The following TNFSF4 variants were observed in gnomAD, a reference collection of about 807,000 sequenced individuals.
TNFSF4 encodes the protein tumor necrosis factor ligand superfamily member 4.
In TNFSF4, 4 loss-of-function variants were observed where a neutral mutation model predicts 7.3. The ratio of observed to expected loss-of-function variants is 0.55; its 90% confidence interval spans 0.27 to 1.25. TNFSF4 has a LOEUF of 1.25. TNFSF4 is among the 50% of genes most tolerant of loss of function. The probability of loss-of-function intolerance (pLI) is 0.12; values close to 1 mark genes in which losing one functional copy is unlikely to be tolerated. For synonymous variants in TNFSF4, 76 were observed against 83.7 expected, an observed-to-expected ratio of 0.91 and a Z score of 0.50; for missense variants, 181 against 208.8, an observed-to-expected ratio of 0.87 and a Z score of 0.82.
the TNFSF4 span, among the ~76,000 whole-genome samples, chr1:173,379,650 T>C: frequency 2.8e-4 from 42 of 152,166 alleles, no homozygotes; most frequent in East Asian, 6.4e-3. Flanking sequence ...TGTTCTGTAA[T>C]AGGGACCAAG....
At chr1:173,220,242 A>T in the TNFSF4 span, among the ~76,000 whole-genome samples, 2 of 152,146 alleles carry the variant, frequency 1.3e-5, no homozygotes, top group Non-Finnish European at 2.9e-5. Context: ...ACTGAATTGG[A>T]TCTCAGGGCT....
chr1:173,369,054 C>G, the TNFSF4 span, among the ~76,000 whole-genome samples: 1 of 152,146 alleles, frequency 6.6e-6, no homozygotes, highest in Non-Finnish European at 1.5e-5. Flanking sequence ...CTCAGACTAG[C>G]AGGCCTAAAA....
the TNFSF4 span, among the ~76,000 whole-genome samples, chr1:173,310,210 C>T: frequency 4.0e-5 from 6 of 151,594 alleles, no homozygotes; most frequent in Non-Finnish European, 8.8e-5. Flanking sequence ...GTTGTTGTTC[C>T]TCTAAATTCT....
At chr1:173,413,645 G>A in the TNFSF4 span, among the ~76,000 whole-genome samples, 8 of 152,292 alleles carry the variant, frequency 5.3e-5, no homozygotes, top group East Asian at 1.9e-4. Context: ...AGCAGCCGGC[G>A]CCCAGCAGCA....
chr1:173,253,446 G>A, the TNFSF4 span, among the ~76,000 whole-genome samples: 2 of 152,224 alleles, frequency 1.3e-5, no homozygotes, highest in African/African-American at 4.8e-5. Flanking sequence ...CTTGGTAAGA[G>A]TGTGAGTATT....
chr1:173,289,590 T>C, the TNFSF4 span, among the ~76,000 whole-genome samples: 3 of 152,148 alleles, frequency 2.0e-5, no homozygotes, highest in East Asian at 5.8e-4. Context: ...GGGGGAAAAG[T>C]CAGTAAAATC....
At chr1:173,247,379 G>A in the TNFSF4 span, among the ~76,000 whole-genome samples, 1 of 152,222 alleles carries the variant, frequency 6.6e-6, no homozygotes. Context: ...AAGGAGGAGG[G>A]AGAGAAAAGA....
the TNFSF4 span, among the ~76,000 whole-genome samples, chr1:173,422,644 G>A: frequency 0.021 from 3,140 of 152,240 alleles, 116 homozygotes; most frequent in African/African-American, 0.072. Flanking sequence ...AGAAGATGGC[G>A]CATTCCAAGC....
chr1:173,199,947 C>A (rs1649872339), intron 1 of TNFSF4, among the ~76,000 whole-genome samples: 1 of 152,134 alleles, frequency 6.6e-6, no homozygotes, highest in African/African-American at 2.4e-5. Flanking sequence ...ATCATACATA[C>A]AATGCTTTGA....
the TNFSF4 span, among the ~76,000 whole-genome samples, chr1:173,250,490 C>T: frequency 4.7e-5 from 7 of 147,736 alleles, no homozygotes; most frequent in Non-Finnish European, 1.0e-4. Flanking sequence ...GACGGAGTCT[C>T]GCTCTGTCAC....
the TNFSF4 span, among the ~76,000 whole-genome samples, chr1:173,269,548 A>G: frequency 6.6e-6 from 1 of 152,118 alleles, no homozygotes; most frequent in Non-Finnish European, 1.5e-5. Context: ...TTCCTTGAAT[A>G]CAAGCCCTGC....
the TNFSF4 span, among the ~76,000 whole-genome samples, chr1:173,403,788 G>A: frequency 4.6e-5 from 7 of 151,974 alleles, no homozygotes; most frequent in African/African-American, 1.7e-4. Flanking sequence ...TGTAATCCCA[G>A]CTACTTGGGA....
the TNFSF4 span, among the ~76,000 whole-genome samples, chr1:173,422,152 G>T: frequency 3.0e-4 from 46 of 152,188 alleles, no homozygotes; most frequent in East Asian, 7.7e-3. Flanking sequence ...TTAGAACAGT[G>T]CCAGCCAAAT....
At chr1:173,361,275 C>G in the TNFSF4 span, among the ~76,000 whole-genome samples, 1 of 152,130 alleles carries the variant, frequency 6.6e-6, no homozygotes, top group African/African-American at 2.4e-5. Context: ...GAGAGAGAAG[C>G]AGCAGAGCTC....
At chr1:173,307,185 C>G in the TNFSF4 span, among the ~76,000 whole-genome samples, 2 of 151,444 alleles carry the variant, frequency 1.3e-5, no homozygotes, top group African/African-American at 4.9e-5. Context: ...AGAAATTGCT[C>G]ACAATAAAAA....
chr1:173,280,576 A>G, the TNFSF4 span, among the ~76,000 whole-genome samples: 1 of 152,164 alleles, frequency 6.6e-6, no homozygotes, highest in Non-Finnish European at 1.5e-5. Context: ...CCTAACAACG[A>G]CAAGTTAGTT....
the TNFSF4 span, among the ~76,000 whole-genome samples, chr1:173,173,133 AT>A: frequency 7.0e-4 from 106 of 152,306 alleles, 2 homozygotes; most frequent in East Asian, 0.02. Context: ...ACATGTAGGG[AT>A]TATAATTTGT....
chr1:173,304,522 G>A, the TNFSF4 span, among the ~76,000 whole-genome samples: 1 of 151,942 alleles, frequency 6.6e-6, no homozygotes, highest in Non-Finnish European at 1.5e-5. Flanking sequence ...CATTGTTAAG[G>A]CAAAATGATT....
the TNFSF4 span, among the ~76,000 whole-genome samples, chr1:173,375,737 C>T: frequency 3.3e-5 from 5 of 152,088 alleles, no homozygotes; most frequent in East Asian, 1.9e-4. Flanking sequence ...ATAGAACATG[C>T]GAGGGGACAA....
Sources: allele counts gnomAD v4.1 joint callset (sites outside exome capture counted in the v4.1 genomes callset), GRCh38; gene constraint gnomAD v4.1.1; transcripts MANE v1.5; gene names NCBI Gene and HGNC (gene_info 2026-07-23, HGNC 2026-07-21).